The following MTSS1 variants were observed in gnomAD, a reference collection of about 807,000 sequenced individuals.
MTSS1 encodes the protein protein MTSS 1.
MTSS1 carries 18 observed loss-of-function variants against 79.0 expected under a neutral mutation model. That is an observed-to-expected ratio of 0.23 (90% CI 0.16 to 0.34). MTSS1 has a LOEUF of 0.34. Among genes scored for constraint, MTSS1 ranks in the 10% least tolerant of loss-of-function variants. MTSS1 has a pLI of 1.00. For synonymous variants in MTSS1, 341 were observed against 368.6 expected (o/e 0.93, Z 0.86); for missense variants, 815 against 986.2 (o/e 0.83, Z 2.33).
intron 9 of MTSS1, chr8:124,563,370 G>C: frequency 3.6e-6 from 1 of 274,640 alleles, no homozygotes. Flanking sequence ...GCAAGAAAAG[G>C]GACAGGGTTA....
intron 3 of MTSS1, among the ~76,000 whole-genome samples, chr8:124,638,390 G>A (rs549176352): frequency 2.0e-5 from 3 of 152,352 alleles, no homozygotes; most frequent in East Asian, 3.9e-4. Context: ...CTATCTTAGA[G>A]TTTAGTAATG....
chr8:124,568,362 G>GT lies in MTSS1; in HGVS notation c.618+16dup. ...ACACCAGCAGTTTAAACCTTCTGGA[G>GT]TTTTCCATTAACTTACAATCACTGG... On this transcript the variant is annotated intron_variant, in intron 7 of 13. Transcript: ENST00000518547. 1 of 1,609,076 alleles carries GT rather than the reference G, an allele frequency of 6.2e-7. No individual in the cohort carries two copies. The highest frequency in any genetic ancestry group is 8.5e-7 in the Non-Finnish European group (1 of 1,176,320).
rs1833951718 is a variant in MTSS1 at position 124,727,780 on chromosome 8, C to T, written c.72+104G>A. On this transcript the variant is annotated intron_variant, in intron 1 of 13. Coordinates refer to ENST00000518547, the MANE Select transcript of MTSS1 (RefSeq NM_014751.6). This position sits in a 1 kb window ranked among gnomAD's most constrained non-coding sequence, Gnocchi z 4.7. Reference sequence around the variant, plus strand: ...AGCTCCCGCAGGTGGCCGGTGGCCACACTGCAGGGAAGGGCCGGGTGCCCG... The same window carrying T: ...AGCTCCCGCAGGTGGCCGGTGGCCATACTGCAGGGAAGGGCCGGGTGCCCG... 3.8e-6 allele frequency: 4 copies of T among 1,039,342 alleles called. No individual in the cohort carries two copies. The highest frequency in any genetic ancestry group is 5.4e-6 in the Non-Finnish European group (4 of 737,854). 64.4% of individuals were successfully genotyped at this position (1,039,342 alleles called of 1,614,324 possible). A position where few individuals can be genotyped will look rare whatever the true frequency, so the allele number is the denominator to read the frequency against.
At chr8:124,712,584 G>A (rs911050777) in intron 1 of MTSS1, among the ~76,000 whole-genome samples, 2 of 152,216 alleles carry the variant, frequency 1.3e-5, no homozygotes, top group African/African-American at 4.8e-5. Flanking sequence ...GGGCTCCTAA[G>A]ATCCTCAGAT....
intron 13 of MTSS1, among the ~76,000 whole-genome samples, chr8:124,554,072 T>C (rs1266768276): frequency 1.3e-5 from 2 of 152,176 alleles, no homozygotes; most frequent in Non-Finnish European, 2.9e-5. Context: ...AAACCTCAAA[T>C]AGACTAGCCT....
chr8:124,600,836 G>A lies in MTSS1; in HGVS notation c.209-9601C>T, dbSNP rs187717850. Among the ~76,000 whole-genome samples the A allele has an allele frequency of 2.2e-4, 34 of 152,286 alleles. No individual in the cohort carries two copies. In the East Asian group the frequency reaches 5.6e-3, roughly 25 times the overall value. On this transcript the variant is annotated intron_variant, in intron 3 of 13. Coordinates refer to ENST00000518547, the MANE Select transcript of MTSS1 (RefSeq NM_014751.6). Reference sequence around the variant, plus strand: ...AGAAGACCAAAGGCCTAGAAGGAGCGGCCCAGAGGGCTTGCCTGGAAGGTT... The same window carrying A: ...AGAAGACCAAAGGCCTAGAAGGAGCAGCCCAGAGGGCTTGCCTGGAAGGTT...
chr8:124,557,308 C>G (rs1263067199), intron 11 of MTSS1, among the ~76,000 whole-genome samples: 1 of 152,174 alleles, frequency 6.6e-6, no homozygotes, highest in Admixed American at 6.5e-5. Context: ...AAGCTCTGAT[C>G]ATGCTGACAC....
rs1831359626 is a variant in MTSS1 at position 124,712,774 on chromosome 8, T to C, written c.73-8583A>G. On this transcript the variant is annotated intron_variant, in intron 1 of 13. Coordinates refer to ENST00000518547, the MANE Select transcript of MTSS1 (RefSeq NM_014751.6). Reference sequence around the variant, plus strand: ...CCCACTTGCCCAAGCACACCAGCAATAAATATGCCTATGAAAAGGAAGACT... The same window carrying C: ...CCCACTTGCCCAAGCACACCAGCAACAAATATGCCTATGAAAAGGAAGACT... Among the ~76,000 whole-genome samples the C allele has an allele frequency of 2.2e-5, 3 of 139,284 alleles. 1 individual carries two copies. The South Asian group carries it at 7.9e-4, about 37-fold the overall frequency. The allele number at this position is 139,284 out of a possible 152,430, so 91.4% of individuals were successfully genotyped here.
At chr8:124,716,264 T>C (rs1267078779) in intron 1 of MTSS1, among the ~76,000 whole-genome samples, 1 of 144,300 alleles carries the variant, frequency 6.9e-6, no homozygotes, top group Non-Finnish European at 1.5e-5. Flanking sequence ...GGAATTTTCT[T>C]GGCAAAGAGA....
At chr8:124,607,472 G>C (rs183710237) in intron 3 of MTSS1, among the ~76,000 whole-genome samples, 98 of 152,288 alleles carry the variant, frequency 6.4e-4, no homozygotes, top group African/African-American at 2.3e-3. Flanking sequence ...GATCTAAACA[G>C]AGTTTTTAAA....
intron 3 of MTSS1, among the ~76,000 whole-genome samples, chr8:124,641,694 C>T (rs1461155206): frequency 3.3e-5 from 5 of 152,160 alleles, no homozygotes; most frequent in Admixed American, 6.5e-5. Context: ...AGTTTATCAC[C>T]TTGCTTGGCT....
At chr8:124,717,434 G>T (rs7815688) in intron 1 of MTSS1, among the ~76,000 whole-genome samples, 91,803 of 123,866 alleles carry the variant, frequency 0.74, 33,138 homozygotes, top group South Asian at 0.87. Context: ...AGGCAGAGGT[G>T]GCAGCGAGCC....
chr8:124,622,077 A>G (rs1164608185), intron 3 of MTSS1, among the ~76,000 whole-genome samples: 28 of 151,500 alleles, frequency 1.8e-4, no homozygotes, highest in African/African-American at 6.5e-4. Context: ...AGAGAGAGAG[A>G]GAGAGAGAGA....
chr8:124,637,604 C>G (rs1336157026), intron 3 of MTSS1, among the ~76,000 whole-genome samples: 1 of 151,926 alleles, frequency 6.6e-6, no homozygotes, highest in South Asian at 2.1e-4. Flanking sequence ...TGGCCTTGGC[C>G]CAGCTGCTGT....
intron 1 of MTSS1, among the ~76,000 whole-genome samples, chr8:124,721,930 T>C (rs1318327067): frequency 1.3e-5 from 2 of 152,176 alleles, no homozygotes; most frequent in African/African-American, 4.8e-5. Flanking sequence ...CCTCGCCTTC[T>C]GGTGAGACCC....
rs527577344 is a variant in MTSS1 at position 124,640,067 on chromosome 8, C to G, written c.209-48832G>C. 5.3e-5 allele frequency among the ~76,000 whole-genome samples: 8 copies of G among 152,316 alleles called. No homozygotes were observed. In the East Asian group the frequency reaches 1.5e-3, roughly 29 times the overall value. ...CCCTGGATCCTCCCCAGCTGCAGTG[C>G]TGGACAGTTGTCCATCTCATTTTAC... On this transcript the variant is annotated intron_variant, in intron 3 of 13. Transcript: ENST00000518547.
At chr8:124,646,439 G>A (rs1261739838) in intron 3 of MTSS1, among the ~76,000 whole-genome samples, 1 of 152,136 alleles carries the variant, frequency 6.6e-6, no homozygotes, top group Non-Finnish European at 1.5e-5. Flanking sequence ...GAATAACTGA[G>A]TCTTGCTGCT....
At chr8:124,660,534 C>T (rs1821844864) in intron 3 of MTSS1, among the ~76,000 whole-genome samples, 1 of 150,988 alleles carries the variant, frequency 6.6e-6, no homozygotes, top group Admixed American at 6.6e-5. Context: ...TCCCACACAA[C>T]AGCACAGATC....
chr8:124,610,515 A>T (rs1835614500), intron 3 of MTSS1, among the ~76,000 whole-genome samples: 1 of 152,238 alleles, frequency 6.6e-6, no homozygotes, highest in Non-Finnish European at 1.5e-5. Flanking sequence ...GATTTCTTAA[A>T]GCCACTTTCT....
Sources: allele counts gnomAD v4.1 joint callset (sites outside exome capture counted in the v4.1 genomes callset), GRCh38; gene constraint gnomAD v4.1.1; non-coding constraint Gnocchi (gnomAD v3.1); transcripts MANE v1.5; gene names NCBI Gene and HGNC (gene_info 2026-07-23, HGNC 2026-07-21).